The following MYO1C variants were observed in gnomAD, a reference collection of about 807,000 sequenced individuals.
MYO1C encodes myosin IC, also known as unconventional myosin-Ic.
MYO1C carries 104 observed loss-of-function variants against 150.8 expected under a neutral mutation model. That is an observed-to-expected ratio of 0.69 (90% CI 0.59 to 0.81). The LOEUF is 0.81. Among genes scored for constraint, MYO1C ranks in the 30% least tolerant of loss-of-function variants. The pLI, the probability that MYO1C is intolerant of heterozygous loss-of-function variation, is 0.00. For synonymous variants in MYO1C, 663 were observed against 579.9 expected, an observed-to-expected ratio of 1.14 and a Z score of -2.06; for missense variants, 1,504 against 1,435.0, an observed-to-expected ratio of 1.05 and a Z score of -0.78.
chr17:1,481,826 T>TTA (rs71375508), intron 5 of MYO1C, among the ~76,000 whole-genome samples: 1 of 134,532 alleles, frequency 7.4e-6, no homozygotes, highest in African/African-American at 2.8e-5. Flanking sequence ...TACTCAGAGT[T>TTA]AAAAAAAAAA....
At chr17:1,470,837 G>C in intron 21 of MYO1C, 148 bp from the exon 22 acceptor site, 1 of 982,206 alleles carries the variant, frequency 1.0e-6, no homozygotes, top group Non-Finnish European at 1.6e-6. Flanking sequence ...AATGAATGTG[G>C]GGACTGCCCG....
At chr17:1,487,278 C>A (rs1175316571) in intron 1 of MYO1C, among the ~76,000 whole-genome samples, 3 of 152,248 alleles carry the variant, frequency 2.0e-5, no homozygotes, top group African/African-American at 7.2e-5. Context: ...TGGGGAGAGC[C>A]TCAGGCGCGT....
chr17:1,474,622 C>T lies in MYO1C; in HGVS notation c.1785G>A (p.Lys595=), dbSNP rs769013621. 1.4e-5 allele frequency: 22 copies of T among 1,613,920 alleles called. No homozygotes were observed. Among genetic ancestry groups the T allele is most frequent in the Non-Finnish European group, 1.8e-5 (21 of 1,179,926 alleles). The stretch of plus-strand genomic sequence containing the variant: ...GCCACCTCCTCACCGTCTCTGGCCG[C>T]TTCTTGTCACTGAGCTCGCTCCGGT... ...CFDRSELSDK[K]RPETVATQFK... The change falls in exon 17 of 32, where the codon AAG becomes AAA. Residue 595 remains lysine, a synonymous_variant. Coordinates refer to ENST00000648651, the MANE Select transcript of MYO1C (RefSeq NM_001080779.2).
At chr17:1,472,332 T>C (rs1318032407) in intron 17 of MYO1C, 104 bp from the exon 18 acceptor site, 4 of 965,780 alleles carry the variant, frequency 4.1e-6, no homozygotes, top group Middle Eastern at 3.1e-4. Context: ...CGCAGCAGCC[T>C]CTGATTCTGC....
chr17:1,478,048 C>T lies in MYO1C; in HGVS notation c.1401+39G>A. On this transcript the variant is annotated intron_variant, in intron 12 of 31. Coordinates refer to ENST00000648651, the MANE Select transcript of MYO1C (RefSeq NM_001080779.2). The surrounding 1 kb of genome is among the most constrained non-coding windows in gnomAD (Gnocchi z 6.3). The stretch of plus-strand genomic sequence containing the variant: ...CCCAGGGGCCCCGATACCCAGGCTC[C>T]CCGTGGCCCACGGAGAGTGCCCCCA... 1 of 1,610,134 alleles carries T rather than the reference C, an allele frequency of 6.2e-7. No homozygotes were observed. Among genetic ancestry groups the T allele is most frequent in the African/African-American group, 1.3e-5 (1 of 75,000 alleles).
intron 31 of MYO1C, 75 bp from the exon 32 acceptor site, chr17:1,465,827 GTCCTTGTTTTT>G: frequency 7.0e-6 from 8 of 1,143,956 alleles, no homozygotes; most frequent in Non-Finnish European, 9.2e-6. Flanking sequence ...TTTTCTTTTC[GTCCTTGTTTTT>G]TCCTTTTTAT....
intron 21 of MYO1C, 97 bp downstream of exon 21, chr17:1,470,974 G>A (rs2074290685): frequency 1.8e-5 from 24 of 1,334,160 alleles, no homozygotes; most frequent in Non-Finnish European, 2.4e-5. Context: ...GAGCTGATAG[G>A]GAGGGGTGGA....
intron 21 of MYO1C, 141 bp downstream of exon 21, chr17:1,470,930 G>T: frequency 9.5e-7 from 1 of 1,049,830 alleles, no homozygotes; most frequent in Non-Finnish European, 1.4e-6. Flanking sequence ...TGGACTCTCT[G>T]GAGAAGGACT....
rs978378781 is a variant in MYO1C, at chr17:1,464,336, C to G, written c.*1390G>C. ...GGAGAAGCAGCAGAAGGAGGTGATG[C>G]CCCTGCCGCTCCTCCCAAGGCCAGC... On this transcript the variant is annotated 3_prime_UTR_variant, in exon 32 of 32. Transcript: ENST00000648651. 6.6e-6 allele frequency: 1 copy of G among 152,594 alleles called. No individual in the cohort carries two copies. Among genetic ancestry groups the G allele is most frequent in the African/African-American group, 2.4e-5 (1 of 41,456 alleles). The allele number at this position is 152,594 out of a possible 1,614,324, so 9.5% of individuals were successfully genotyped here. A position where few individuals can be genotyped will look rare whatever the true frequency, so the allele number is the denominator to read the frequency against.
intron 14 of MYO1C, among the ~76,000 whole-genome samples, chr17:1,476,210 ACT>A (rs1407590462): frequency 4.7e-5 from 7 of 149,208 alleles, no homozygotes; most frequent in Admixed American, 1.3e-4. Context: ...ACGGAGTCTC[ACT>A]CTGTCATCCA....
At chr17:1,469,976 A>G (rs1018164704) in intron 24 of MYO1C, among the ~76,000 whole-genome samples, 199 bp downstream of exon 24, 10 of 152,024 alleles carry the variant, frequency 6.6e-5, no homozygotes, top group Non-Finnish European at 1.5e-4. Flanking sequence ...CGGAGGTTGC[A>G]GTGAACCGAG....
chr17:1,475,112 A>G (rs1265486129), intron 14 of MYO1C, 80 bp from the exon 15 acceptor site: 3 of 1,434,384 alleles, frequency 2.1e-6, no homozygotes, highest in Admixed American at 3.9e-5. Flanking sequence ...CCTCAGGAGC[A>G]GGAACCAGCT....
At position 1,465,518 on chromosome 17, in the gene MYO1C, T is replaced by G. The variant is rs1393894457; in HGVS notation, c.*208A>C. On this transcript the variant is annotated 3_prime_UTR_variant, in exon 32 of 32. Coordinates refer to ENST00000648651, the MANE Select transcript of MYO1C (RefSeq NM_001080779.2). ...CTCGCTCTGGCCCTGGCTTTCCTAT[T>G]GCTGTGGCCCGGCCTGGCCCACTCC... 2 of 449,132 alleles carry G rather than the reference T, an allele frequency of 4.5e-6. No homozygotes were observed. Among genetic ancestry groups the G allele is most frequent in the Non-Finnish European group, 7.5e-6 (2 of 265,216 alleles). The allele number at this position is 449,132 out of a possible 1,614,324, so 27.8% of individuals were successfully genotyped here.
At chr17:1,466,095 G>C (rs1048122836) in intron 31 of MYO1C, among the ~76,000 whole-genome samples, 1 of 150,724 alleles carries the variant, frequency 6.6e-6, no homozygotes, top group African/African-American at 2.5e-5. Flanking sequence ...CTGTGAGCCT[G>C]TCCTCCCTCC....
rs1598314185 is a variant in MYO1C, at chr17:1,464,731, T to A, written c.*995A>T. ...GGCTGGGCTGGATGATCTCTCAGCG[T>A]CTTCCAACCTCTATGGTCTAAGACG... On this transcript the variant is annotated 3_prime_UTR_variant, in exon 32 of 32. Transcript: ENST00000648651. The A allele has an allele frequency of 1.3e-5, 2 of 152,494 alleles. No individual in the cohort carries two copies. The highest frequency in any genetic ancestry group is 1.3e-4 in the Admixed American group (2 of 15,254). The allele number at this position is 152,494 out of a possible 1,614,324, so 9.4% of individuals were successfully genotyped here. A position where few individuals can be genotyped will look rare whatever the true frequency, so the allele number is the denominator to read the frequency against.
chr17:1,476,009 A>C (rs1168815079), intron 14 of MYO1C, among the ~76,000 whole-genome samples: 1 of 152,236 alleles, frequency 6.6e-6, no homozygotes, highest in Non-Finnish European at 1.5e-5. Flanking sequence ...CACACAGTTA[A>C]CAGCCATGGC....
chr17:1,483,761 G>C (rs765810333), intron 2 of MYO1C, 36 bp from the exon 3 acceptor site: 5 of 1,523,848 alleles, frequency 3.3e-6, no homozygotes, highest in Non-Finnish European at 4.5e-6. Context: ...AGTTTATCCC[G>C]GGCCAGGTGC....
intron 14 of MYO1C, among the ~76,000 whole-genome samples, chr17:1,477,119 G>C (rs189816756): frequency 6.6e-6 from 1 of 151,828 alleles, no homozygotes; most frequent in Non-Finnish European, 1.5e-5. Context: ...GATTACAGGC[G>C]TGAGCCACTG....
At chr17:1,480,989 A>G (rs952743171) in intron 5 of MYO1C, 104 bp from the exon 6 acceptor site, 12 of 1,296,024 alleles carry the variant, frequency 9.3e-6, no homozygotes, top group Non-Finnish European at 1.3e-5. Context: ...CCAGACCTGG[A>G]TGCCAATTCC....
Sources: gnomAD v4.1 joint callset for allele counts (sites outside exome capture counted in the v4.1 genomes callset) on GRCh38, gnomAD v4.1.1 for gene constraint, Gnocchi (gnomAD v3.1) non-coding constraint, MANE v1.5 for transcripts, NCBI Gene and HGNC (gene_info 2026-07-23, HGNC 2026-07-21) for gene names.